The following PIK3C2A variants were observed in gnomAD, a reference collection of about 807,000 sequenced individuals.
The protein encoded by PIK3C2A is phosphatidylinositol-4-phosphate 3-kinase catalytic subunit type 2 alpha.
Under a neutral mutation model 204.5 loss-of-function variants are expected in PIK3C2A, and 97 were observed. The ratio of observed to expected loss-of-function variants is 0.47; its 90% CI spans 0.40 to 0.56. The LOEUF (loss-of-function observed/expected upper bound fraction) is 0.56. Among genes scored for constraint, PIK3C2A ranks in the 20% least tolerant of loss-of-function variants. The pLI is 0.00. For missense variants in PIK3C2A, 1,735 were observed against 1,969.2 expected (o/e 0.88, Z 2.25); for synonymous variants, 653 against 664.4 (o/e 0.98, Z 0.26).
chr11:17,197,736 TG>T (rs2137572660), intron 1 of PIK3C2A, among the ~76,000 whole-genome samples: 1 of 152,326 alleles, frequency 6.6e-6, no homozygotes. Context: ...TCTACTTCAT[TG>T]TTCATTCACT....
chr11:17,185,996 T>C (rs1851738173), intron 1 of PIK3C2A, among the ~76,000 whole-genome samples: 1 of 152,192 alleles, frequency 6.6e-6, no homozygotes, highest in Non-Finnish European at 1.5e-5. Context: ...ATCTTTACAA[T>C]GGCCCACCAG....
At chr11:17,116,384 G>GA (rs1180087746) in intron 19 of PIK3C2A, among the ~76,000 whole-genome samples, 6 of 151,704 alleles carry the variant, frequency 4.0e-5, no homozygotes, top group South Asian at 2.1e-4. Flanking sequence ...CAAAAAACAG[G>GA]AAAAAAAACA....
Position 17,147,545 on chromosome 11 carries a change from C to T in PIK3C2A, c.1532G>A (p.Ser511Asn). 6.2e-7 allele frequency: 1 copy of T among 1,609,734 alleles called. No individual in the cohort carries two copies. The highest frequency in any genetic ancestry group is 8.5e-7 in the Non-Finnish European group (1 of 1,176,062). The change falls in exon 6 of 33, where the codon AGT becomes AAT. Residue 511 changes from serine to asparagine, a missense_variant. Physicochemically the swap from Ser to Asn is conservative, Grantham distance 46 (BLOSUM62 1). Coordinates refer to ENST00000691414, the MANE Select transcript of PIK3C2A (RefSeq NM_002645.4). The stretch of plus-strand genomic sequence containing the variant: ...TCGGGCCAGATTTTGACACATTGCA[C>T]TGAAGGTCAAGAGTTGTAGTCTAAT... ...TEIRLQLLTF[S>N]AMCQNLARTA... is the part of the protein sequence containing the mutation.
intron 1 of PIK3C2A, among the ~76,000 whole-genome samples, chr11:17,182,387 C>T (rs1307351564): frequency 6.6e-6 from 1 of 151,650 alleles, no homozygotes; most frequent in Non-Finnish European, 1.5e-5. Context: ...AGCAACATGG[C>T]AAAACCCCAT....
rs926331963 is a variant in PIK3C2A at position 17,102,897 on chromosome 11, TAGTAA to T, written c.3682-71_3682-67del. ...TTTTAAAAGAGGCAGAGTTTATAAA[TAGTAA>T]AGTAATTTATCACTCTTTAAAAACA... is the stretch of plus-strand genomic sequence containing the variant. On this transcript the variant is annotated intron_variant, in intron 23 of 32. Coordinates refer to ENST00000691414, the MANE Select transcript of PIK3C2A (RefSeq NM_002645.4). The T allele has an allele frequency of 2.3e-4, 231 of 1,022,240 alleles. No homozygotes were observed. The African/African-American group carries it at 3.3e-3, about 15-fold the overall frequency. The allele number at this position is 1,022,240 out of a possible 1,614,324, so 63.3% of individuals were successfully genotyped here.
chr11:17,177,543 A>G (rs963482556), intron 1 of PIK3C2A, among the ~76,000 whole-genome samples: 2 of 152,206 alleles, frequency 1.3e-5, no homozygotes, highest in African/African-American at 2.4e-5. Flanking sequence ...GGAGCAGATT[A>G]TCTTAAAAAC....
At chr11:17,138,517 G>T (rs983734134) in intron 8 of PIK3C2A, among the ~76,000 whole-genome samples, 3 of 152,142 alleles carry the variant, frequency 2.0e-5, no homozygotes, top group Non-Finnish European at 2.9e-5. Flanking sequence ...TCAGTCTAAG[G>T]TTCGGGGAGA....
intron 18 of PIK3C2A, among the ~76,000 whole-genome samples, chr11:17,118,306 C>G (rs888003241): frequency 1.3e-5 from 2 of 152,148 alleles, no homozygotes; most frequent in Non-Finnish European, 2.9e-5. Flanking sequence ...CTCCTGAGAT[C>G]AAGCGATCCA....
In PIK3C2A at chr11:17,169,421, G is replaced by A. The variant is rs1279375546; in HGVS notation, c.321C>T (p.Asp107=). 6.2e-7 allele frequency: 1 copy of A among 1,614,078 alleles called. No individual in the cohort carries two copies. The highest frequency in any genetic ancestry group is 1.1e-5 in the South Asian group (1 of 91,084). Residue 107 remains aspartate (D), a synonymous_variant, in exon 2 of 33, where the codon GAC becomes GAT. Coordinates refer to ENST00000691414, the MANE Select transcript of PIK3C2A (RefSeq NM_002645.4). ...QAELEKLLLD[D]SFETKKTPVL... ...CAGGTGTTTTTTTAGTCTCGAAACTGTCATCCAGCAATAGTTTCTCAAGTT... is the reference window on the plus strand; with the variant it reads ...CAGGTGTTTTTTTAGTCTCGAAACTATCATCCAGCAATAGTTTCTCAAGTT...
intron 8 of PIK3C2A, among the ~76,000 whole-genome samples, 153 bp downstream of exon 8, chr11:17,145,515 A>G (rs1160673317): frequency 6.6e-6 from 1 of 152,160 alleles, no homozygotes; most frequent in Non-Finnish European, 1.5e-5. Flanking sequence ...GTTGAACTGT[A>G]AGTCAATTAA....
At chr11:17,111,185 G>A (rs940332629) in intron 21 of PIK3C2A, among the ~76,000 whole-genome samples, 1 of 152,290 alleles carries the variant, frequency 6.6e-6, no homozygotes. Flanking sequence ...TGGGATTACA[G>A]GCATGAGCCA....
At chr11:17,115,988 G>T (rs1467906416) in intron 19 of PIK3C2A, among the ~76,000 whole-genome samples, 6 of 151,974 alleles carry the variant, frequency 3.9e-5, no homozygotes, top group Admixed American at 1.3e-4. Flanking sequence ...TTTAATGATG[G>T]ATTCTTAGAT....
At position 17,150,628 on chromosome 11, in the gene PIK3C2A, A is replaced by T. The variant is rs1850396137; in HGVS notation, c.1197T>A (p.Asn399Lys). The change falls in exon 4 of 33, where the codon AAT (asparagine) becomes AAA (lysine). Residue 399 changes from asparagine to lysine, a missense_variant. Coordinates refer to ENST00000691414, the MANE Select transcript of PIK3C2A (RefSeq NM_002645.4). ...ACAAATAGCCTGGGTTTGTGCGGTGATTGGTATATGGAAATTTGGTCTTCA... is the reference window on the plus strand; with the variant it reads ...ACAAATAGCCTGGGTTTGTGCGGTGTTTGGTATATGGAAATTTGGTCTTCA... The part of the protein sequence containing the change: ...TKLKTKFPYT[N>K]HRTNPGYLLS... The T allele has an allele frequency of 6.2e-7, 1 of 1,603,684 alleles. No homozygotes were observed. The highest frequency in any genetic ancestry group is 8.5e-7 in the Non-Finnish European group (1 of 1,176,308).
rs907305341 is a variant in PIK3C2A, at chr11:17,169,603, G to C, written c.139C>G (p.Gln47Glu). 1 of 1,613,912 alleles carries C rather than the reference G, an allele frequency of 6.2e-7. No homozygotes were observed. The highest frequency in any genetic ancestry group is 8.5e-7 in the Non-Finnish European group (1 of 1,180,018). Residue 47 changes from glutamine (Q) to glutamate (E), a missense_variant, in exon 2 of 33, where the codon CAA (glutamine) becomes GAA (glutamate). Coordinates refer to ENST00000691414, the MANE Select transcript of PIK3C2A (RefSeq NM_002645.4). ...AAGCCTCTCTGATTGTCAGTCACTT[G>C]TCTATCCTTTTGCAGTTTTGCTAAA... is the stretch of plus-strand genomic sequence containing the variant. ...EALAKLQKDR[Q>E]VTDNQRGFEL...
rs1422747143 is a variant in PIK3C2A at position 17,091,233 on chromosome 11, T to C, written c.4878+101A>G. The C allele has an allele frequency of 5.1e-6, 5 of 987,898 alleles. No individual in the cohort carries two copies. The Admixed American group carries it at 8.6e-5, about 17-fold the overall frequency. The allele number at this position is 987,898 out of a possible 1,614,324, so 61.2% of individuals were successfully genotyped here. The stretch of plus-strand genomic sequence containing the variant: ...CAGACCACAATGGTACGTTTAGCTA[T>C]GTAACAAACTTGCACATCCTGCTTA... On this transcript the variant is annotated intron_variant, in intron 32 of 32. Coordinates refer to ENST00000691414, the MANE Select transcript of PIK3C2A (RefSeq NM_002645.4).
chr11:17,152,679 G>A (rs1019828941), intron 3 of PIK3C2A, among the ~76,000 whole-genome samples: 4 of 152,104 alleles, frequency 2.6e-5, no homozygotes, highest in South Asian at 4.1e-4. Flanking sequence ...AAAAGGCTTT[G>A]TCTATTTAGT....
chr11:17,132,310 C>T (rs1169765788), intron 11 of PIK3C2A, among the ~76,000 whole-genome samples: 2 of 142,038 alleles, frequency 1.4e-5, no homozygotes, highest in Admixed American at 7.8e-5. Context: ...GAATAATTAA[C>T]TTTAATTTTT....
chr11:17,169,569 G>C lies in PIK3C2A; in HGVS notation c.173C>G (p.Ser58Ter), dbSNP rs145953764. 6.2e-7 allele frequency: 1 copy of C among 1,614,086 alleles called. No individual in the cohort carries two copies. Among genetic ancestry groups the C allele is most frequent in the Non-Finnish European group, 8.5e-7 (1 of 1,180,008 alleles). ...CTGTGCTTTTTTTCTGGTGCTGCTTGACAACTCAAAGCCTCTCTGATTGTC... is the reference window on the plus strand; with the variant it reads ...CTGTGCTTTTTTTCTGGTGCTGCTTCACAACTCAAAGCCTCTCTGATTGTC... Reference protein sequence around the residue: ...VTDNQRGFELSSSTRKKAQVY... With the variant: ...VTDNQRGFEL Residue 58 changes from serine (S) to a stop codon, truncating the protein, a stop_gained, in exon 2 of 33, where the codon TCA (serine) becomes TGA (stop). Transcript: ENST00000691414. LOFTEE classifies it high-confidence loss of function.
intron 22 of PIK3C2A, among the ~76,000 whole-genome samples, chr11:17,106,443 G>A (rs983896748): frequency 6.6e-6 from 1 of 152,028 alleles, no homozygotes; most frequent in Non-Finnish European, 1.5e-5. Context: ...AATCAAGTCT[G>A]GCCGCCAATC....
Sources: allele counts gnomAD v4.1 joint callset (sites outside exome capture counted in the v4.1 genomes callset), GRCh38; gene constraint gnomAD v4.1.1; transcripts MANE v1.5; gene names NCBI Gene and HGNC (gene_info 2026-07-23, HGNC 2026-07-21).